Variants in CACNG3 observed in about 807,000 individuals in gnomAD.
CACNG3 encodes the protein calcium voltage-gated channel auxiliary subunit gamma 3.
In CACNG3, 3 loss-of-function variants were observed where a neutral mutation model predicts 28.5. The observed-to-expected ratio is 0.11, with a 90% confidence interval of 0.05 to 0.27. The LOEUF is 0.27. Ranked by LOEUF, CACNG3 falls within the 10% of genes least tolerant of loss-of-function variation. The probability of loss-of-function intolerance (pLI) is 1.00; values close to 1 mark genes in which losing one functional copy is unlikely to be tolerated. For missense variants in CACNG3, 236 were observed against 414.4 expected, an observed-to-expected ratio of 0.57 and a Z score of 3.74; for synonymous variants, 174 against 162.2, an observed-to-expected ratio of 1.07 and a Z score of -0.55.
At chr16:24,267,305 T>C (rs1490973111) in intron 1 of CACNG3, among the ~76,000 whole-genome samples, 1 of 152,190 alleles carries the variant, frequency 6.6e-6, no homozygotes, top group Admixed American at 6.5e-5. Context: ...AAAATTGTTT[T>C]GAGACAGGGT....
intron 1 of CACNG3, among the ~76,000 whole-genome samples, chr16:24,262,678 T>G (rs575338801): frequency 2.0e-5 from 3 of 152,336 alleles, no homozygotes; most frequent in Non-Finnish European, 4.4e-5. Flanking sequence ...TTGTTACATA[T>G]TTTAAATCTC....
chr16:24,314,767 C>CCTCCTT (rs1161979676), intron 1 of CACNG3, among the ~76,000 whole-genome samples: 14 of 144,240 alleles, frequency 9.7e-5, no homozygotes, highest in Non-Finnish European at 1.8e-4. Flanking sequence ...TCCTCCTCCT[C>CCTCCTT]CTCCAACCTC....
intron 1 of CACNG3, among the ~76,000 whole-genome samples, chr16:24,344,697 C>T (rs186406278): frequency 1.1e-4 from 17 of 152,176 alleles, no homozygotes; most frequent in East Asian, 3.9e-4. Flanking sequence ...GCCTGGTAAG[C>T]GGAGAATCAG....
chr16:24,324,409 T>C (rs1198734367), intron 1 of CACNG3, among the ~76,000 whole-genome samples: 2 of 152,138 alleles, frequency 1.3e-5, no homozygotes, highest in African/African-American at 4.8e-5. Context: ...ACCCCAGCCA[T>C]ACACAGGCAA....
chr16:24,257,929 G>T (rs904548054), intron 1 of CACNG3, among the ~76,000 whole-genome samples: 2 of 152,172 alleles, frequency 1.3e-5, no homozygotes, highest in Non-Finnish European at 2.9e-5. Flanking sequence ...GGATATCACT[G>T]GGAGTAAATA....
At chr16:24,342,143 C>T (rs550034485) in intron 1 of CACNG3, among the ~76,000 whole-genome samples, 1 of 152,262 alleles carries the variant, frequency 6.6e-6, no homozygotes, top group East Asian at 1.9e-4. Context: ...TGGCACGCGC[C>T]TGTAATCCCA....
intron 1 of CACNG3, among the ~76,000 whole-genome samples, chr16:24,305,785 A>G (rs1467030175): frequency 6.6e-6 from 1 of 152,210 alleles, no homozygotes; most frequent in African/African-American, 2.4e-5. Flanking sequence ...CACATTCTGC[A>G]CATGTATCCC....
intron 1 of CACNG3, among the ~76,000 whole-genome samples, chr16:24,279,382 T>A (rs1161850032): frequency 6.6e-6 from 1 of 152,100 alleles, no homozygotes. Context: ...CAGCCTTGAC[T>A]TCCTGGGCTT....
chr16:24,273,457 A>G (rs576663085), intron 1 of CACNG3, among the ~76,000 whole-genome samples: 129 of 152,306 alleles, frequency 8.5e-4, no homozygotes, highest in African/African-American at 3.0e-3. Flanking sequence ...GAGAAAGTTC[A>G]CATTCCTCAC....
intron 1 of CACNG3, among the ~76,000 whole-genome samples, chr16:24,340,364 C>T (rs967001128): frequency 1.4e-4 from 22 of 152,186 alleles, no homozygotes; most frequent in African/African-American, 5.1e-4. Context: ...TGACACTGCT[C>T]TCCAGACTGG....
chr16:24,352,576 T>C (rs143983121), intron 2 of CACNG3, among the ~76,000 whole-genome samples: 438 of 152,252 alleles, frequency 2.9e-3, no homozygotes, highest in Non-Finnish European at 3.4e-3. Context: ...TCTCACTCTA[T>C]TGCCCAGGCT....
At position 24,297,987 on chromosome 16, in the gene CACNG3, C is replaced by CTGTG. The variant is rs55859502; in HGVS notation, c.211+41054_211+41057dup. ...TGTCTTCTTTTCTTTTTCAAAAGAT[C>CTGTG]TGTGTGTGTGTGTGTGTGTGTGTGT... On this transcript the variant is annotated intron_variant, in intron 1 of 3. Transcript: ENST00000005284. Among the ~76,000 whole-genome samples, 641 of 149,174 alleles carry CTGTG rather than the reference C, an allele frequency of 4.3e-3. 4 individuals are homozygous for CTGTG. Among genetic ancestry groups the CTGTG allele is most frequent in the African/African-American group, 9.6e-3 (389 of 40,602 alleles).
chr16:24,309,809 G>A (rs191527159), intron 1 of CACNG3, among the ~76,000 whole-genome samples: 22 of 152,316 alleles, frequency 1.4e-4, no homozygotes, highest in East Asian at 1.4e-3. Context: ...GGCAGAGGGC[G>A]TGGCGCATGC....
At chr16:24,310,464 T>G (rs1899246009) in intron 1 of CACNG3, among the ~76,000 whole-genome samples, 1 of 152,112 alleles carries the variant, frequency 6.6e-6, no homozygotes, top group Non-Finnish European at 1.5e-5. Flanking sequence ...CTTGGGAGGC[T>G]GAGGCAGGAG....
chr16:24,296,244 C>T (rs971508609), intron 1 of CACNG3, among the ~76,000 whole-genome samples: 1 of 152,162 alleles, frequency 6.6e-6, no homozygotes, highest in African/African-American at 2.4e-5. Flanking sequence ...ATTTACATGG[C>T]CTGCCCACAC....
At position 24,361,875 on chromosome 16, in the gene CACNG3, A is replaced by C; in HGVS notation, c.*12A>C. 6.3e-7 allele frequency: 1 copy of C among 1,590,954 alleles called. No individual in the cohort carries two copies. Among genetic ancestry groups the C allele is most frequent in the Non-Finnish European group, 8.5e-7 (1 of 1,171,902 alleles). ...CCACGCCCGTCTGAACTGACCTCTGACCTCTGCCCCACGCCCAGCACAGCC... is the reference window on the plus strand; with the variant it reads ...CCACGCCCGTCTGAACTGACCTCTGCCCTCTGCCCCACGCCCAGCACAGCC... On this transcript the variant is annotated 3_prime_UTR_variant, in exon 4 of 4. Coordinates refer to ENST00000005284, the MANE Select transcript of CACNG3 (RefSeq NM_006539.4). This position sits in a 1 kb window ranked among gnomAD's most constrained non-coding sequence, Gnocchi z 6.8.
chr16:24,359,709 TTAA>T (rs1262891811), intron 3 of CACNG3, among the ~76,000 whole-genome samples: 1 of 151,084 alleles, frequency 6.6e-6, no homozygotes, highest in Non-Finnish European at 1.5e-5. Context: ...AAAAAAAAAA[TTAA>T]CTTAGCTGTG....
chr16:24,359,768 A>G (rs547611228), intron 3 of CACNG3, among the ~76,000 whole-genome samples: 1 of 152,158 alleles, frequency 6.6e-6, no homozygotes, highest in South Asian at 2.1e-4. Context: ...GAGGCTGAGG[A>G]GGGAAGATGC....
chr16:24,328,534 C>G (rs779925944), intron 1 of CACNG3, among the ~76,000 whole-genome samples: 1 of 151,176 alleles, frequency 6.6e-6, no homozygotes, highest in Non-Finnish European at 1.5e-5. Context: ...AGATTGGGTG[C>G]AGGATATTTG....
Sources: allele counts gnomAD v4.1 joint callset (sites outside exome capture counted in the v4.1 genomes callset), GRCh38; gene constraint gnomAD v4.1.1; non-coding constraint Gnocchi (gnomAD v3.1); transcripts MANE v1.5; gene names NCBI Gene and HGNC (gene_info 2026-07-23, HGNC 2026-07-21).